The following CFAP96 variants were observed in gnomAD, a reference collection of about 807,000 sequenced individuals.
The protein encoded by CFAP96 is cilia and flagella associated protein 96.
At chr4:185,409,814 G>A in the CFAP96 span, among the ~76,000 whole-genome samples, 2 of 152,288 alleles carry the variant, frequency 1.3e-5, no homozygotes, top group Non-Finnish European at 2.9e-5. Context: ...ATTCTTAAAA[G>A]AGAGGGGCAT....
At chr4:185,436,481 A>G in the CFAP96 span, 2 of 654,598 alleles carry the variant, frequency 3.1e-6, no homozygotes, top group Admixed American at 5.0e-5. Context: ...GGTGGCCGAG[A>G]TGGGCGGATC....
the CFAP96 span, among the ~76,000 whole-genome samples, chr4:185,410,240 A>G: frequency 6.6e-6 from 1 of 152,200 alleles, no homozygotes; most frequent in African/African-American, 2.4e-5. Context: ...AAGAAAAACC[A>G]TAATAGAAAA....
At chr4:185,420,479 G>A in the CFAP96 span, among the ~76,000 whole-genome samples, 1 of 151,958 alleles carries the variant, frequency 6.6e-6, no homozygotes, top group Non-Finnish European at 1.5e-5. Flanking sequence ...TCAATGACCT[G>A]ATTCTGCTGA....
chr4:185,430,013 G>T, the CFAP96 span, among the ~76,000 whole-genome samples: 2 of 152,112 alleles, frequency 1.3e-5, no homozygotes, highest in African/African-American at 4.8e-5. Context: ...TTTTATTAGG[G>T]TATTCTATCC....
At chr4:185,421,011 G>GT in the CFAP96 span, among the ~76,000 whole-genome samples, 10 of 152,174 alleles carry the variant, frequency 6.6e-5, no homozygotes, top group Non-Finnish European at 1.3e-4. Context: ...TATCCATAAA[G>GT]TAACATTTTA....
At chr4:185,432,010 T>C in the CFAP96 span, 20 of 1,551,548 alleles carry the variant, frequency 1.3e-5, 1 homozygote, top group Middle Eastern at 5.0e-4. Flanking sequence ...CAAGCAAAAA[T>C]AAACAGATGC....
At chr4:185,408,595 T>C in the CFAP96 span, among the ~76,000 whole-genome samples, 1 of 152,238 alleles carries the variant, frequency 6.6e-6, no homozygotes, top group Admixed American at 6.5e-5. Context: ...TTATACCTTC[T>C]TGGCTTTTTA....
the CFAP96 span, among the ~76,000 whole-genome samples, chr4:185,430,333 G>A: frequency 6.6e-6 from 1 of 152,026 alleles, no homozygotes; most frequent in Non-Finnish European, 1.5e-5. Context: ...GAGATATCTC[G>A]AAGATACATT....
At chr4:185,437,616 C>T in the CFAP96 span, among the ~76,000 whole-genome samples, 3 of 152,136 alleles carry the variant, frequency 2.0e-5, no homozygotes, top group African/African-American at 7.2e-5. Flanking sequence ...GGGCAGAAAC[C>T]TTGGTTCTTA....
the CFAP96 span, chr4:185,444,968 G>C: frequency 9.0e-5 from 140 of 1,547,736 alleles, 1 homozygote; most frequent in East Asian, 3.3e-3. Flanking sequence ...TCGCAGCCTG[G>C]TGGAATGAAG....
At chr4:185,413,669 A>T in the CFAP96 span, 1 of 1,516,690 alleles carries the variant, frequency 6.6e-7, no homozygotes, top group East Asian at 2.3e-5. Context: ...TACCAACAAA[A>T]AACAACTAAT....
At chr4:185,447,310 T>C in the CFAP96 span, among the ~76,000 whole-genome samples, 7 of 151,818 alleles carry the variant, frequency 4.6e-5, no homozygotes, top group Non-Finnish European at 4.4e-5. Context: ...GCCTCCCGAG[T>C]AGCTGGGACT....
the CFAP96 span, chr4:185,425,825 G>T: frequency 6.3e-7 from 1 of 1,596,382 alleles, no homozygotes; most frequent in Non-Finnish European, 8.5e-7. Context: ...GCCAAAGTCC[G>T]GGGAAAAACA....
the CFAP96 span, chr4:185,422,413 G>T: frequency 8.8e-7 from 1 of 1,133,450 alleles, no homozygotes; most frequent in Non-Finnish European, 1.3e-6. Flanking sequence ...AGTTTCATTT[G>T]CAAAGTGGAA....
At chr4:185,431,589 T>C in the CFAP96 span, among the ~76,000 whole-genome samples, 1 of 152,238 alleles carries the variant, frequency 6.6e-6, no homozygotes, top group African/African-American at 2.4e-5. Context: ...TCAATTTGAG[T>C]GTGAAACACC....
the CFAP96 span, among the ~76,000 whole-genome samples, chr4:185,448,801 AG>A: frequency 6.6e-6 from 1 of 152,176 alleles, no homozygotes; most frequent in Non-Finnish European, 1.5e-5. Flanking sequence ...GCAGTATTTC[AG>A]GTTTTCTATG....
chr4:185,447,474 C>G, the CFAP96 span, among the ~76,000 whole-genome samples: 1 of 152,160 alleles, frequency 6.6e-6, no homozygotes, highest in Non-Finnish European at 1.5e-5. Context: ...TCCACCACGC[C>G]CGGCCGATTT....
At chr4:185,432,138 T>C in the CFAP96 span, 5 of 1,551,802 alleles carry the variant, frequency 3.2e-6, no homozygotes, top group Non-Finnish European at 4.4e-6. Flanking sequence ...AGACGGGATA[T>C]GGTGGAAGCA....
the CFAP96 span, among the ~76,000 whole-genome samples, chr4:185,443,702 C>T: frequency 2.6e-5 from 4 of 151,930 alleles, no homozygotes; most frequent in East Asian, 3.9e-4. Context: ...ACTTCTTTTT[C>T]ATTCTTAATT....
Sources: allele counts gnomAD v4.1 joint callset (sites outside exome capture counted in the v4.1 genomes callset), GRCh38; gene constraint gnomAD v4.1.1; transcripts MANE v1.5; gene names NCBI Gene and HGNC (gene_info 2026-07-23, HGNC 2026-07-21).